The following POU6F2 variants were observed in gnomAD, a reference collection of about 807,000 sequenced individuals.
The protein encoded by POU6F2 is POU class 6 homeobox 2.
In POU6F2, 31 loss-of-function variants were observed where a neutral mutation model predicts 71.3. The ratio of observed to expected loss-of-function variants is 0.43; its 90% CI spans 0.33 to 0.59. The LOEUF is 0.59. Among genes scored for constraint, POU6F2 ranks in the 20% least tolerant of loss-of-function variants. POU6F2 has a pLI of 0.04. For missense variants in POU6F2, 783 were observed against 856.8 expected (o/e 0.91, Z 1.07); for synonymous variants, 347 against 355.7 (o/e 0.98, Z 0.27).
At chr7:39,074,707 A>C (rs1379253461) in intron 1 of POU6F2, among the ~76,000 whole-genome samples, 2 of 152,066 alleles carry the variant, frequency 1.3e-5, no homozygotes, top group African/African-American at 2.4e-5. Context: ...GGTGGGGAGC[A>C]GATCAGGCAG....
chr7:39,176,033 T>G (rs1793322240), intron 2 of POU6F2, among the ~76,000 whole-genome samples: 2 of 152,200 alleles, frequency 1.3e-5, no homozygotes, highest in African/African-American at 4.8e-5. Context: ...CTCATTTTTC[T>G]TTTTGTTTTC....
At chr7:39,107,783 C>T (rs1791722468) in intron 2 of POU6F2, among the ~76,000 whole-genome samples, 1 of 152,002 alleles carries the variant, frequency 6.6e-6, no homozygotes, top group African/African-American at 2.4e-5. Flanking sequence ...AAGCAGACAC[C>T]CAAACCCAGA....
intron 5 of POU6F2, among the ~76,000 whole-genome samples, chr7:39,388,349 T>C (rs754538660): frequency 1.8e-4 from 27 of 152,120 alleles, no homozygotes; most frequent in Non-Finnish European, 2.5e-4. Flanking sequence ...AGAGTCTCAC[T>C]CTGTTGTCCA....
At chr7:39,159,037 G>A (rs1158617546) in intron 2 of POU6F2, among the ~76,000 whole-genome samples, 6 of 151,854 alleles carry the variant, frequency 4.0e-5, no homozygotes, top group African/African-American at 1.5e-4. Context: ...AATTAGCCAG[G>A]TGTGGTGGTG....
At chr7:39,106,321 T>C (rs1168015863) in intron 2 of POU6F2, among the ~76,000 whole-genome samples, 1 of 152,182 alleles carries the variant, frequency 6.6e-6, no homozygotes, top group African/African-American at 2.4e-5. Context: ...TATGGTGGTT[T>C]CCTGTTGAAC....
At chr7:38,988,414 C>T (rs989304021) in intron 1 of POU6F2, among the ~76,000 whole-genome samples, 1 of 151,960 alleles carries the variant, frequency 6.6e-6, no homozygotes, top group African/African-American at 2.4e-5. Flanking sequence ...ACCCCTCCTG[C>T]CCCCCGCCAA....
At position 39,008,292 on chromosome 7, in the gene POU6F2, T is replaced by G. The variant is rs967780152; in HGVS notation, c.105+30234T>G. Among the ~76,000 whole-genome samples, 340 of 151,680 alleles carry G rather than the reference T, an allele frequency of 2.2e-3. 4 individuals are homozygous for G. Among genetic ancestry groups the G allele is most frequent in the Non-Finnish European group, 8.9e-4 (60 of 67,592 alleles). On this transcript the variant is annotated intron_variant, in intron 1 of 9. Coordinates refer to ENST00000518318, the MANE Select transcript of POU6F2 (RefSeq NM_001370959.1). ...CTGATGGCCAGTGATGATGAGCATT[T>G]TTTCATGTGTTTTTTGGCTGCATAA...
At chr7:39,342,160 AT>A (rs1219093061) in intron 5 of POU6F2, among the ~76,000 whole-genome samples, 2 of 149,364 alleles carry the variant, frequency 1.3e-5, no homozygotes, top group African/African-American at 2.5e-5. Context: ...CTTGCTACAA[AT>A]TTTTTTTAAA....
intron 1 of POU6F2, among the ~76,000 whole-genome samples, chr7:39,021,620 A>G (rs1407719361): frequency 6.6e-6 from 1 of 152,024 alleles, no homozygotes; most frequent in Non-Finnish European, 1.5e-5. Flanking sequence ...TATTCATTTT[A>G]CTATTTTTTT....
intron 5 of POU6F2, chr7:39,404,760 A>T (rs1300118084): frequency 6.6e-6 from 1 of 152,116 alleles, no homozygotes; most frequent in African/African-American, 2.4e-5. Flanking sequence ...GTTCGGAGAC[A>T]GTATTTCCCA....
chr7:38,997,524 A>G (rs879757057), intron 1 of POU6F2, among the ~76,000 whole-genome samples: 1 of 152,172 alleles, frequency 6.6e-6, no homozygotes, highest in Non-Finnish European at 1.5e-5. Context: ...TCTTTTTGGC[A>G]TCCACATTCT....
chr7:39,089,339 A>G (rs1054631637), intron 2 of POU6F2, among the ~76,000 whole-genome samples: 2 of 152,178 alleles, frequency 1.3e-5, no homozygotes, highest in African/African-American at 2.4e-5. Context: ...TCTGAGCTGT[A>G]AGAAACAGTA....
rs1418289884 is a variant in POU6F2, at chr7:39,276,620, C to T, written c.599-63022C>T. 4.6e-5 allele frequency among the ~76,000 whole-genome samples: 7 copies of T among 151,720 alleles called. No individual in the cohort carries two copies. The East Asian group carries it at 1.4e-3, about 30-fold the overall frequency. ...ATGCACACGTATGTTTATTGCGGCA[C>T]TATTCACAATAGCAAAGACTTGGAC... On this transcript the variant is annotated intron_variant, in intron 4 of 9. Coordinates refer to ENST00000518318, the MANE Select transcript of POU6F2 (RefSeq NM_001370959.1).
At chr7:39,183,712 G>C (rs1462725608) in intron 2 of POU6F2, among the ~76,000 whole-genome samples, 1 of 152,160 alleles carries the variant, frequency 6.6e-6, no homozygotes, top group Non-Finnish European at 1.5e-5. Flanking sequence ...TTTGGGAACT[G>C]CTGCTCTAGA....
intron 5 of POU6F2, among the ~76,000 whole-genome samples, chr7:39,384,779 A>C (rs1032597779): frequency 1.2e-4 from 18 of 152,078 alleles, no homozygotes; most frequent in Non-Finnish European, 2.4e-4. Flanking sequence ...CCACTACCTA[A>C]TATTGCCTTG....
chr7:39,251,346 T>A (rs962569858), intron 4 of POU6F2, among the ~76,000 whole-genome samples: 4 of 152,142 alleles, frequency 2.6e-5, no homozygotes, highest in Admixed American at 2.0e-4. Flanking sequence ...AAAACCCAAG[T>A]TATTATAGTG....
At chr7:39,434,173 C>T (rs182796075) in intron 7 of POU6F2, among the ~76,000 whole-genome samples, 27 of 151,854 alleles carry the variant, frequency 1.8e-4, no homozygotes, top group African/African-American at 6.3e-4. Context: ...ACCAAGTAAA[C>T]GAAGGGTTAA....
At chr7:39,196,575 A>G (rs1008990040) in intron 2 of POU6F2, among the ~76,000 whole-genome samples, 6 of 152,120 alleles carry the variant, frequency 3.9e-5, no homozygotes. Flanking sequence ...CCTGGCCAAC[A>G]TGGAAAAACA....
intron 4 of POU6F2, among the ~76,000 whole-genome samples, chr7:39,305,345 C>T (rs1016226015): frequency 6.6e-6 from 1 of 152,228 alleles, no homozygotes; most frequent in African/African-American, 2.4e-5. Context: ...AATGACAATT[C>T]CTATCTTGTT....
Sources: gnomAD v4.1 joint callset for allele counts (sites outside exome capture counted in the v4.1 genomes callset) on GRCh38, gnomAD v4.1.1 for gene constraint, MANE v1.5 for transcripts, NCBI Gene and HGNC (gene_info 2026-07-23, HGNC 2026-07-21) for gene names.